TRIM56: variants seen among roughly 807,000 people sequenced by gnomAD.
TRIM56 encodes E3 ubiquitin-protein ligase TRIM56.
A neutral mutation model predicts 17.1 loss-of-function variants in TRIM56; 10 were observed. That is an observed-to-expected ratio of 0.58 (90% CI 0.36 to 0.99). The LOEUF is 0.99. Among genes scored for constraint, TRIM56 ranks in the 50% least tolerant of loss-of-function variants. TRIM56 has a pLI of 0.01. For missense variants in TRIM56, 923 were observed against 1,052.3 expected (o/e 0.88, Z 1.70); for synonymous variants, 503 against 473.5 (o/e 1.06, Z -0.81).
chr7:101,089,050 C>T lies in TRIM56; in HGVS notation c.1738C>T (p.Gln580Ter), dbSNP rs868702461. The change falls in exon 3 of 3, where the codon CAG becomes TAG. Residue 580 changes from glutamine (Q) to a stop codon, truncating the protein, a stop_gained. Transcript: ENST00000306085. LOFTEE classifies it high-confidence loss of function. ...TCTCATCAACCCCAACGGCGAAGTG[C>T]AGTGGCGCAGGGCCCTGAGCCTCTC... ...LYLINPNGEV[Q>*]WRRALSLSQA... is the part of the protein sequence containing the mutation. 6.2e-7 allele frequency: 1 copy of T among 1,601,416 alleles called. No homozygotes were observed.
chr7:101,088,179 G>A lies in TRIM56; in HGVS notation c.867G>A (p.Arg289=). ...AHVEAAEEAA[R]ERLAELEGRE... ...TGGAGGCTGCCGAAGAAGCTGCTCG[G>A]GAGAGGCTGGCGGAGCTTGAGGGCC... is the stretch of plus-strand genomic sequence containing the variant. Residue 289 remains arginine, a synonymous_variant, in exon 3 of 3, where the codon CGG becomes CGA. Transcript: ENST00000306085. The A allele has an allele frequency of 6.7e-7, 1 of 1,492,726 alleles. No individual in the cohort carries two copies. Among genetic ancestry groups the A allele is most frequent in the Non-Finnish European group, 8.9e-7 (1 of 1,123,794 alleles). The allele number at this position is 1,492,726 out of a possible 1,614,324, so 92.5% of individuals were successfully genotyped here.
chr7:101,093,426 A>G lies in TRIM56; in HGVS notation c.*3846A>G, dbSNP rs1436125532. ...CGAGGAAAGCCTTGGTCTCTAATAC[A>G]TGCAATGACTAGAACAGTATTTGGT... On this transcript the variant is annotated 3_prime_UTR_variant, in exon 3 of 3. Transcript: ENST00000306085. 3 of 152,054 alleles carry G rather than the reference A, an allele frequency of 2.0e-5. No individual in the cohort carries two copies. Among genetic ancestry groups the G allele is most frequent in the Non-Finnish European group, 2.9e-5 (2 of 68,290 alleles). 9.4% of individuals were successfully genotyped at this position (152,054 alleles called of 1,614,324 possible). A position where few individuals can be genotyped will look rare whatever the true frequency, so the allele number is the denominator to read the frequency against.
rs140602641 is a variant in TRIM56, at chr7:101,089,632, G to C, written c.*52G>C. The C allele has an allele frequency of 1.3e-4, 193 of 1,527,774 alleles. 1 individual carries two copies. The South Asian group carries it at 2.0e-3, about 16-fold the overall frequency. The allele number at this position is 1,527,774 out of a possible 1,614,324, so 94.6% of individuals were successfully genotyped here. A position where few individuals can be genotyped will look rare whatever the true frequency, so the allele number is the denominator to read the frequency against. ...GTGGGGAGGGAGAGGGCAGGAAGGA[G>C]GCAGAGCTGTCCGTGGGAGGTGGAG... is the stretch of plus-strand genomic sequence containing the variant. On this transcript the variant is annotated 3_prime_UTR_variant, in exon 3 of 3. Coordinates refer to ENST00000306085, the MANE Select transcript of TRIM56 (RefSeq NM_030961.3).
At position 101,087,089 on chromosome 7, in the gene TRIM56, A is replaced by C; in HGVS notation, c.-81A>C. On this transcript the variant is annotated 5_prime_UTR_variant, in exon 2 of 3. Coordinates refer to ENST00000306085, the MANE Select transcript of TRIM56 (RefSeq NM_030961.3). ...CACGGAAGTGGAGGAGGAGGAGGAGAAGGAGGAGGGCAGCTCCTTAGCTCA... is the reference window on the plus strand; with the variant it reads ...CACGGAAGTGGAGGAGGAGGAGGAGCAGGAGGAGGGCAGCTCCTTAGCTCA... 3.6e-6 allele frequency: 2 copies of C among 556,528 alleles called. No homozygotes were observed. The highest frequency in any genetic ancestry group is 6.3e-6 in the Non-Finnish European group (2 of 314,966). The allele number at this position is 556,528 out of a possible 1,614,324, so 34.5% of individuals were successfully genotyped here.
rs1795536895 is a variant in TRIM56, at chr7:101,090,078, A to T, written c.*498A>T. 1 of 167,556 alleles carries T rather than the reference A, an allele frequency of 6.0e-6. No homozygotes were observed. The highest frequency in any genetic ancestry group is 6.5e-5 in the Admixed American group (1 of 15,300). The allele number at this position is 167,556 out of a possible 1,614,324, so 10.4% of individuals were successfully genotyped here. On this transcript the variant is annotated 3_prime_UTR_variant, in exon 3 of 3. Transcript: ENST00000306085. Reference sequence around the variant, plus strand: ...AGTCAGAGGAGGCCTGAGATTTCGAATGGGCAGTGAATGGCCTCTTCTGCC... The same window carrying T: ...AGTCAGAGGAGGCCTGAGATTTCGATTGGGCAGTGAATGGCCTCTTCTGCC...
chr7:101,095,608 C>T lies in TRIM56; in HGVS notation c.*6028C>T, dbSNP rs1038934933. 1 of 152,148 alleles carries T rather than the reference C, an allele frequency of 6.6e-6. No homozygotes were observed. Among genetic ancestry groups the T allele is most frequent in the Non-Finnish European group, 1.5e-5 (1 of 68,044 alleles). 9.4% of individuals were successfully genotyped at this position (152,148 alleles called of 1,614,324 possible). Reference sequence around the variant, plus strand: ...GAAACCTTCAGAAATGAAACGTCACCTGGCTGCAAGAAGATAGTCCCACAG... The same window carrying T: ...GAAACCTTCAGAAATGAAACGTCACTTGGCTGCAAGAAGATAGTCCCACAG... On this transcript the variant is annotated 3_prime_UTR_variant, in exon 3 of 3. Coordinates refer to ENST00000306085, the MANE Select transcript of TRIM56 (RefSeq NM_030961.3).
rs776902479 is a variant in TRIM56 at position 101,089,505 on chromosome 7, G to A, written c.2193G>A (p.Val731=). The A allele has an allele frequency of 6.2e-7, 1 of 1,614,262 alleles. No individual in the cohort carries two copies. The highest frequency in any genetic ancestry group is 8.5e-7 in the Non-Finnish European group (1 of 1,180,050). Residue 731 remains valine, a synonymous_variant, in exon 3 of 3, where the codon GTG becomes GTA. Coordinates refer to ENST00000306085, the MANE Select transcript of TRIM56 (RefSeq NM_030961.3). ...AAAAGCCCCGGGTTACCACCATGGT[G>A]GATGGCAGGTACCTGGTCGTGTCCC... ...GLEKPRVTTM[V]DGRYLVVSLS... is the part of the protein sequence containing the mutation.
Position 101,093,973 on chromosome 7 carries a change from A to G in TRIM56, c.*4393A>G, listed in dbSNP as rs971914919. On this transcript the variant is annotated 3_prime_UTR_variant, in exon 3 of 3. Transcript: ENST00000306085. ...GAATAATTTGGCTAGACTTTGCAAG[A>G]ATGACAAAAATGATTATAAGAATCA... is the stretch of plus-strand genomic sequence containing the variant. 4 of 152,234 alleles carry G rather than the reference A, an allele frequency of 2.6e-5. No homozygotes were observed. Among genetic ancestry groups the G allele is most frequent in the African/African-American group, 4.8e-5 (2 of 41,462 alleles). 9.4% of individuals were successfully genotyped at this position (152,234 alleles called of 1,614,324 possible). A position where few individuals can be genotyped will look rare whatever the true frequency, so the allele number is the denominator to read the frequency against.
chr7:101,088,392 C>A lies in TRIM56; in HGVS notation c.1080C>A (p.Asp360Glu). Residue 360 changes from aspartate (D) to glutamate (E), a missense_variant, in exon 3 of 3, where the codon GAC becomes GAA. Physicochemically the swap from Asp to Glu is conservative, Grantham distance 45. Coordinates refer to ENST00000306085, the MANE Select transcript of TRIM56 (RefSeq NM_030961.3). ...TGGAGCTCCATCCTGGGCTCCTGGA[C>A]AAGAACTGCCACCTTCTTCGGCTGT... is the stretch of plus-strand genomic sequence containing the variant. ...PQLELHPGLL[D>E]KNCHLLRLSF... 1.9e-6 allele frequency: 3 copies of A among 1,590,460 alleles called. No homozygotes were observed. The highest frequency in any genetic ancestry group is 2.3e-5 in the South Asian group (2 of 88,256).
Position 101,088,402 on chromosome 7 carries a change from C to G in TRIM56, c.1090C>G (p.His364Asp). 1 of 1,600,038 alleles carries G rather than the reference C, an allele frequency of 6.2e-7. No individual in the cohort carries two copies. The highest frequency in any genetic ancestry group is 8.5e-7 in the Non-Finnish European group (1 of 1,172,516). ...LHPGLLDKNCHLLRLSFEEQQ... is the reference protein window; with the variant it reads ...LHPGLLDKNCDLLRLSFEEQQ... The stretch of plus-strand genomic sequence containing the variant: ...TCCTGGGCTCCTGGACAAGAACTGC[C>G]ACCTTCTTCGGCTGTCCTTTGAGGA... The change falls in exon 3 of 3, where the codon CAC (histidine) becomes GAC (aspartate). Residue 364 changes from histidine (H) to aspartate (D), a missense_variant. His to Asp is a moderately conservative substitution (Grantham distance 81). This residue lies in a region of TRIM56 where 643 missense variants were observed against 665.6 expected (regional missense o/e 0.97). Transcript: ENST00000306085.
Position 101,096,663 on chromosome 7 carries a change from C to A in TRIM56, c.*7083C>A, listed in dbSNP as rs578179282. The A allele has an allele frequency of 3.3e-5, 5 of 152,358 alleles. No individual in the cohort carries two copies. Among genetic ancestry groups the A allele is most frequent in the African/African-American group, 9.6e-5 (4 of 41,576 alleles). 9.4% of individuals were successfully genotyped at this position (152,358 alleles called of 1,614,324 possible). On this transcript the variant is annotated 3_prime_UTR_variant, in exon 3 of 3. Coordinates refer to ENST00000306085, the MANE Select transcript of TRIM56 (RefSeq NM_030961.3). ...AGGTGTTGGTTAGGAAAAGTTTCAA[C>A]TGACTTGTACCCACCTGATACCCCT...
In TRIM56 at chr7:101,095,780, T is replaced by A. The variant is rs1251970040; in HGVS notation, c.*6200T>A. On this transcript the variant is annotated 3_prime_UTR_variant, in exon 3 of 3. Coordinates refer to ENST00000306085, the MANE Select transcript of TRIM56 (RefSeq NM_030961.3). ...AAAGGACACTGGAAAATGAGAAGCA[T>A]GGATGGGAAGTGTTGCATTGAGCAT... is the stretch of plus-strand genomic sequence containing the variant. 6.6e-6 allele frequency: 1 copy of A among 152,132 alleles called. No individual in the cohort carries two copies. Among genetic ancestry groups the A allele is most frequent in the Non-Finnish European group, 1.5e-5 (1 of 68,046 alleles). 9.4% of individuals were successfully genotyped at this position (152,132 alleles called of 1,614,324 possible). A position where few individuals can be genotyped will look rare whatever the true frequency, so the allele number is the denominator to read the frequency against.
rs1795459445 is a variant in TRIM56, at chr7:101,087,056, G to C, written c.-114G>C. On this transcript the variant is annotated 5_prime_UTR_variant, in exon 2 of 3. Transcript: ENST00000306085. Reference sequence around the variant, plus strand: ...AGCACTGACATTTTTACGTTTGCTGGATGTACACACGGAAGTGGAGGAGGA... The same window carrying C: ...AGCACTGACATTTTTACGTTTGCTGCATGTACACACGGAAGTGGAGGAGGA... The C allele has an allele frequency of 1.9e-6, 1 of 515,412 alleles. No homozygotes were observed. Among genetic ancestry groups the C allele is most frequent in the Non-Finnish European group, 3.5e-6 (1 of 289,364 alleles). 31.9% of individuals were successfully genotyped at this position (515,412 alleles called of 1,614,324 possible). A position where few individuals can be genotyped will look rare whatever the true frequency, so the allele number is the denominator to read the frequency against.
In TRIM56 at chr7:101,096,749, A is replaced by G. The variant is rs1795658960; in HGVS notation, c.*7169A>G. ...ATGTGTTGTGAGTGAAAGCTCTGGAACACCCGAGTAGAGCTTTCTGCAAAT... is the reference window on the plus strand; with the variant it reads ...ATGTGTTGTGAGTGAAAGCTCTGGAGCACCCGAGTAGAGCTTTCTGCAAAT... On this transcript the variant is annotated 3_prime_UTR_variant, in exon 3 of 3. Transcript: ENST00000306085. The G allele has an allele frequency of 6.6e-6, 1 of 152,248 alleles. No individual in the cohort carries two copies. Among genetic ancestry groups the G allele is most frequent in the Admixed American group, 6.5e-5 (1 of 15,280 alleles). The allele number at this position is 152,248 out of a possible 1,614,324, so 9.4% of individuals were successfully genotyped here. A position where few individuals can be genotyped will look rare whatever the true frequency, so the allele number is the denominator to read the frequency against.
intron 1 of TRIM56, among the ~76,000 whole-genome samples, chr7:101,086,418 G>A (rs376513400): frequency 2.0e-5 from 3 of 152,050 alleles, no homozygotes; most frequent in African/African-American, 4.8e-5. Flanking sequence ...AAAATTAGCC[G>A]GGTGTGATGG....
In TRIM56 at chr7:101,087,565, C is replaced by T. The variant is rs757364113; in HGVS notation, c.253C>T (p.Leu85=). ...TNFFVNGLLD[L]VKARACGDLR... ...CTTCTTCGTCAATGGGCTGCTGGAC[C>T]TGGTGAAGGCCCGGGCCTGTGGAGA... Residue 85 remains leucine (L), a synonymous_variant, in exon 3 of 3, where the codon CTG becomes TTG. Coordinates refer to ENST00000306085, the MANE Select transcript of TRIM56 (RefSeq NM_030961.3). The T allele has an allele frequency of 1.9e-6, 3 of 1,613,016 alleles. No homozygotes were observed. The highest frequency in any genetic ancestry group is 2.2e-5 in the South Asian group (2 of 91,002).
At position 101,089,378 on chromosome 7, in the gene TRIM56, A is replaced by C; in HGVS notation, c.2066A>C (p.Lys689Thr). The C allele has an allele frequency of 1.9e-6, 3 of 1,612,642 alleles. No homozygotes were observed. The highest frequency in any genetic ancestry group is 2.5e-6 in the Non-Finnish European group (3 of 1,178,764). ...CCGGGCTCCGTGTCTGTGGATAAGAAGGGCTACATCTTTCTGACCCTTCGA... is the reference window on the plus strand; with the variant it reads ...CCGGGCTCCGTGTCTGTGGATAAGACGGGCTACATCTTTCTGACCCTTCGA... The part of the protein sequence containing the change: ...CQPGSVSVDK[K>T]GYIFLTLREV... Residue 689 changes from lysine to threonine, a missense_variant, in exon 3 of 3, where the codon AAG (lysine) becomes ACG (threonine). Transcript: ENST00000306085.
Position 101,095,121 on chromosome 7 carries a change from C to G in TRIM56, c.*5541C>G, listed in dbSNP as rs1477568828. On this transcript the variant is annotated 3_prime_UTR_variant, in exon 3 of 3. Coordinates refer to ENST00000306085, the MANE Select transcript of TRIM56 (RefSeq NM_030961.3). ...CAGGTGCAGTGGTCACTCCTGTTAT[C>G]TCAGCACTTTGCGTGGCCAAGGCGG... 1 of 151,034 alleles carries G rather than the reference C, an allele frequency of 6.6e-6. No individual in the cohort carries two copies. Among genetic ancestry groups the G allele is most frequent in the Non-Finnish European group, 1.5e-5 (1 of 68,006 alleles). The allele number at this position is 151,034 out of a possible 1,614,324, so 9.4% of individuals were successfully genotyped here.
rs764254553 is a variant in TRIM56 at position 101,088,063 on chromosome 7, G to A, written c.751G>A (p.Val251Met). 2.0e-5 allele frequency: 31 copies of A among 1,529,460 alleles called. No homozygotes were observed. The highest frequency in any genetic ancestry group is 4.8e-5 in the East Asian group (2 of 41,248). 94.7% of individuals were successfully genotyped at this position (1,529,460 alleles called of 1,614,324 possible). A position where few individuals can be genotyped will look rare whatever the true frequency, so the allele number is the denominator to read the frequency against. The change falls in exon 3 of 3, where the codon GTG (valine) becomes ATG (methionine). Residue 251 changes from valine (V) to methionine (M), a missense_variant. Physicochemically the swap from Val to Met is conservative, Grantham distance 21. This residue lies in a region of TRIM56 where 643 missense variants were observed against 665.6 expected (regional missense o/e 0.97). Transcript: ENST00000306085. ...LARLREQAAR[V>M]GTQVEEAAEG... ...CCGGCTGCGGGAGCAGGCGGCCCGGGTGGGGACTCAGGTGGAGGAGGCGGC... is the reference window on the plus strand; with the variant it reads ...CCGGCTGCGGGAGCAGGCGGCCCGGATGGGGACTCAGGTGGAGGAGGCGGC...
Sources: gnomAD v4.1 joint callset for allele counts (sites outside exome capture counted in the v4.1 genomes callset) on GRCh38, gnomAD v4.1.1 for gene constraint, gnomAD v4.1.1 regional missense constraint, MANE v1.5 for transcripts, NCBI Gene and HGNC (gene_info 2026-07-23, HGNC 2026-07-21) for gene names.